Variants in INPP4B observed in about 807,000 individuals in gnomAD.
The protein encoded by INPP4B is inositol polyphosphate-4-phosphatase type II B.
A neutral mutation model predicts 122.5 loss-of-function variants in INPP4B; 55 were observed. That is an observed-to-expected ratio of 0.45 (90% CI 0.36 to 0.56). INPP4B has a LOEUF of 0.56. Among genes scored for constraint, INPP4B ranks in the 20% least tolerant of loss-of-function variants. The pLI is 0.00. For missense variants in INPP4B, 1,000 were observed against 1,097.7 expected, an observed-to-expected ratio of 0.91 and a Z score of 1.26; for synonymous variants, 403 against 388.7, an observed-to-expected ratio of 1.04 and a Z score of -0.43.
At chr4:142,784,153 A>G (rs572953659) in intron 1 of INPP4B, among the ~76,000 whole-genome samples, 1 of 152,104 alleles carries the variant, frequency 6.6e-6, no homozygotes, top group East Asian at 1.9e-4. Flanking sequence ...GCCTGATGTC[A>G]GGAGTTCTAG....
chr4:142,351,799 T>G (rs1215340328), intron 7 of INPP4B, among the ~76,000 whole-genome samples: 1 of 152,006 alleles, frequency 6.6e-6, no homozygotes, highest in East Asian at 1.9e-4. Context: ...CTAATAGTAT[T>G]AAGAGTTGGG....
chr4:142,048,808 A>C (rs1752955339), intron 25 of INPP4B, among the ~76,000 whole-genome samples: 2 of 152,088 alleles, frequency 1.3e-5, no homozygotes, highest in South Asian at 4.1e-4. Context: ...TGCATGGTAG[A>C]TTGAAGCAGA....
intron 2 of INPP4B, among the ~76,000 whole-genome samples, chr4:142,674,635 C>G (rs1183902280): frequency 6.6e-6 from 1 of 152,080 alleles, no homozygotes; most frequent in Non-Finnish European, 1.5e-5. Context: ...GTAAAACACT[C>G]CTCAGCAAGT....
At chr4:142,334,438 A>ATAC (rs749416067) in intron 7 of INPP4B, among the ~76,000 whole-genome samples, 19 of 152,280 alleles carry the variant, frequency 1.2e-4, no homozygotes, top group Non-Finnish European at 2.5e-4. Context: ...TCTCCTTGAG[A>ATAC]TACTGACTTT....
intron 2 of INPP4B, among the ~76,000 whole-genome samples, chr4:142,644,419 A>T (rs1469912783): frequency 1.3e-5 from 2 of 151,990 alleles, no homozygotes; most frequent in African/African-American, 2.4e-5. Context: ...AGCCAAAAAG[A>T]GATATGAAAT....
intron 1 of INPP4B, among the ~76,000 whole-genome samples, chr4:142,777,094 AG>A (rs1774037690): frequency 6.6e-6 from 1 of 152,162 alleles, no homozygotes. Context: ...GTCTGTGTTA[AG>A]GCAGTGGCTC....
chr4:142,282,281 GA>G (rs1344011776), intron 9 of INPP4B, among the ~76,000 whole-genome samples: 1 of 152,130 alleles, frequency 6.6e-6, no homozygotes, highest in Non-Finnish European at 1.5e-5. Flanking sequence ...GCCTTGAAGT[GA>G]ATCCTGGTTA....
chr4:142,632,362 C>T (rs1179441552), intron 2 of INPP4B, among the ~76,000 whole-genome samples: 1 of 152,038 alleles, frequency 6.6e-6, no homozygotes, highest in Non-Finnish European at 1.5e-5. Context: ...TACATGATTT[C>T]ACTCATATGT....
chr4:142,810,367 T>C (rs531773976), intron 1 of INPP4B, among the ~76,000 whole-genome samples: 6 of 152,274 alleles, frequency 3.9e-5, no homozygotes, highest in Non-Finnish European at 7.4e-5. Flanking sequence ...ATTCTTCACA[T>C]TTGTTCACTA....
In INPP4B at chr4:142,066,692, G is replaced by A. The variant is rs188744578; in HGVS notation, c.2642+15339C>T. Among the ~76,000 whole-genome samples the A allele has an allele frequency of 1.8e-4, 27 of 152,310 alleles. 1 individual carries two copies. The East Asian group carries it at 2.9e-3, about 16-fold the overall frequency. ...GAGATTATATCCCGTGCATGGCTCC[G>A]AGGGTCCCACACCCACAGAGCCTCA... On this transcript the variant is annotated intron_variant, in intron 25 of 25. Transcript: ENST00000262992.
Position 142,431,460 on chromosome 4 carries a change from G to A in INPP4B, c.-126-75C>T, listed in dbSNP as rs1340826319. On this transcript the variant is annotated intron_variant, in intron 3 of 25. Transcript: ENST00000262992. The stretch of plus-strand genomic sequence containing the variant: ...AAGCTAAAAAGTAAAGGTAAGTAGA[G>A]ACTGCAACTACATTCAAATAAACTT... 6 of 559,094 alleles carry A rather than the reference G, an allele frequency of 1.1e-5. No homozygotes were observed. In the South Asian group the frequency reaches 1.3e-4, roughly 13 times the overall value. The allele number at this position is 559,094 out of a possible 1,614,324, so 34.6% of individuals were successfully genotyped here. A position where few individuals can be genotyped will look rare whatever the true frequency, so the allele number is the denominator to read the frequency against.
intron 18 of INPP4B, among the ~76,000 whole-genome samples, chr4:142,129,945 C>T (rs1800486733): frequency 6.6e-6 from 1 of 152,026 alleles, no homozygotes; most frequent in African/African-American, 2.4e-5. Flanking sequence ...TTAACTCATG[C>T]CCCCTCCTTC....
chr4:142,226,424 T>C (rs964828141), intron 12 of INPP4B, among the ~76,000 whole-genome samples: 4 of 152,186 alleles, frequency 2.6e-5, no homozygotes, highest in Admixed American at 1.3e-4. Flanking sequence ...GTCCCTTACA[T>C]ATCATGATTA....
chr4:142,681,133 G>A (rs1236159580), intron 2 of INPP4B, among the ~76,000 whole-genome samples: 2 of 151,806 alleles, frequency 1.3e-5, no homozygotes, highest in Non-Finnish European at 2.9e-5. Context: ...TCAGCCGCAT[G>A]CATAAAATCC....
chr4:142,138,964 A>G (rs1806233970), intron 18 of INPP4B, among the ~76,000 whole-genome samples: 1 of 151,976 alleles, frequency 6.6e-6, no homozygotes, highest in South Asian at 2.1e-4. Flanking sequence ...TTCTCTTTAC[A>G]TTTTATCCAG....
intron 3 of INPP4B, among the ~76,000 whole-genome samples, chr4:142,450,888 G>A (rs946874331): frequency 6.6e-6 from 1 of 151,130 alleles, no homozygotes; most frequent in African/African-American, 2.5e-5. Context: ...TTAGGGCAGA[G>A]GGATAGAAAA....
chr4:142,370,517 T>G (rs1222670452), intron 7 of INPP4B, among the ~76,000 whole-genome samples: 1 of 152,140 alleles, frequency 6.6e-6, no homozygotes, highest in Non-Finnish European at 1.5e-5. Flanking sequence ...TGTCCATCTT[T>G]GTAGATGACA....
chr4:142,677,436 G>A (rs2150666493), intron 2 of INPP4B, among the ~76,000 whole-genome samples: 1 of 152,194 alleles, frequency 6.6e-6, no homozygotes, highest in African/African-American at 2.4e-5. Flanking sequence ...ACAGCATGGT[G>A]ATTCCTCAAG....
At position 142,456,778 on chromosome 4, in the gene INPP4B, T is replaced by C. The variant is rs773764267; in HGVS notation, c.-127+5885A>G. 5.9e-5 allele frequency among the ~76,000 whole-genome samples: 9 copies of C among 152,232 alleles called. 1 individual carries two copies. The East Asian group carries it at 1.5e-3, about 26-fold the overall frequency. ...GGTCAACTTTGTCCAAACTGATCTA[T>C]AGATGATTGAATATAAATAAATCAA... On this transcript the variant is annotated intron_variant, in intron 3 of 25. Coordinates refer to ENST00000262992, the MANE Select transcript of INPP4B (RefSeq NM_001101669.3).
Sources: allele counts gnomAD v4.1 joint callset (sites outside exome capture counted in the v4.1 genomes callset), GRCh38; gene constraint gnomAD v4.1.1; transcripts MANE v1.5; gene names NCBI Gene and HGNC (gene_info 2026-07-23, HGNC 2026-07-21).